STK32B: variants seen among roughly 807,000 people sequenced by gnomAD.
STK32B encodes serine/threonine-protein kinase 32B.
Under a neutral mutation model 52.6 loss-of-function variants are expected in STK32B, and 43 were observed. The ratio of observed to expected loss-of-function variants is 0.82; its 90% CI spans 0.64 to 1.05. The LOEUF is 1.05. Ranked by LOEUF, STK32B falls within the 50% of genes least tolerant of loss-of-function variation. STK32B has a pLI of 0.00. For synonymous variants in STK32B, 238 were observed against 204.3 expected (o/e 1.17, Z -1.41); for missense variants, 621 against 534.6 (o/e 1.16, Z -1.59).
At chr4:5,287,188 G>A (rs746165276) in intron 3 of STK32B, among the ~76,000 whole-genome samples, 3 of 152,254 alleles carry the variant, frequency 2.0e-5, no homozygotes, top group East Asian at 1.9e-4. Context: ...CTGCCAAGTC[G>A]TTTCCCAAAG....
In STK32B at chr4:5,054,316, C is replaced by A. The variant is rs1741913041; in HGVS notation, c.52+2401C>A. Among the ~76,000 whole-genome samples the A allele has an allele frequency of 2.0e-5, 3 of 152,228 alleles. No homozygotes were observed. The South Asian group carries it at 6.2e-4, about 32-fold the overall frequency. On this transcript the variant is annotated intron_variant, in intron 1 of 11. Transcript: ENST00000282908. ...CCCTGACGTGGGTGAGCTCAGGCGA[C>A]TGATATCCTGGAGGAGGGTCCCTAA...
chr4:5,357,577 T>A (rs909284578), intron 4 of STK32B, among the ~76,000 whole-genome samples: 2 of 151,054 alleles, frequency 1.3e-5, no homozygotes, highest in African/African-American at 4.9e-5. Flanking sequence ...AAAAAAAAAA[T>A]GTTCTCTGGG....
intron 1 of STK32B, among the ~76,000 whole-genome samples, chr4:5,131,457 C>T (rs986395023): frequency 2.0e-5 from 3 of 152,134 alleles, no homozygotes; most frequent in African/African-American, 4.8e-5. Context: ...ATTTTTCGTT[C>T]TCCTCCTCAG....
intron 6 of STK32B, among the ~76,000 whole-genome samples, chr4:5,427,891 A>G (rs1713232306): frequency 1.3e-5 from 2 of 150,898 alleles, no homozygotes; most frequent in South Asian, 4.2e-4. Context: ...TCTATTTTTT[A>G]TTTTAATTTC....
rs1736250845 is a variant in STK32B at position 5,386,253 on chromosome 4, CT to C, written c.435-11952del. ...TATGCAGTTTTATCTTTGACTGTCT[CT>C]TGTTTTCTTAGCTCCTGGGTAAGCT... On this transcript the variant is annotated intron_variant, in intron 4 of 11. Transcript: ENST00000282908. This position sits in a 1 kb window ranked among gnomAD's most constrained non-coding sequence, Gnocchi z 4.5. Among the ~76,000 whole-genome samples, 3 of 152,202 alleles carry C rather than the reference CT, an allele frequency of 2.0e-5. No individual in the cohort carries two copies. In the South Asian group the frequency reaches 6.2e-4, roughly 32 times the overall value.
chr4:5,473,241 G>A (rs901837013), intron 11 of STK32B, among the ~76,000 whole-genome samples: 1 of 152,170 alleles, frequency 6.6e-6, no homozygotes, highest in Non-Finnish European at 1.5e-5. Flanking sequence ...CAGGGATACT[G>A]CTGGGAGCAA....
chr4:5,154,211 CTTTTTT>C (rs3072774), intron 2 of STK32B, among the ~76,000 whole-genome samples: 2 of 122,608 alleles, frequency 1.6e-5, no homozygotes, highest in Non-Finnish European at 1.7e-5. Flanking sequence ...CCTTCCATGT[CTTTTTT>C]TTTTTTTTTT....
At chr4:5,232,569 T>G (rs1257063669) in intron 3 of STK32B, among the ~76,000 whole-genome samples, 1 of 152,232 alleles carries the variant, frequency 6.6e-6, no homozygotes, top group Non-Finnish European at 1.5e-5. Flanking sequence ...CTAGAATCCC[T>G]GATGGGACAT....
chr4:5,362,778 G>A (rs1328217958), intron 4 of STK32B, among the ~76,000 whole-genome samples: 1 of 152,164 alleles, frequency 6.6e-6, no homozygotes. Flanking sequence ...CCACTCTCTA[G>A]TCTTCCATCT....
intron 3 of STK32B, among the ~76,000 whole-genome samples, chr4:5,248,323 G>C (rs926504880): frequency 1.3e-5 from 2 of 152,184 alleles, no homozygotes; most frequent in African/African-American, 4.8e-5. Context: ...TTCAGCTTTA[G>C]TAATGCCCCA....
intron 3 of STK32B, among the ~76,000 whole-genome samples, chr4:5,192,140 C>G (rs187319611): frequency 6.6e-6 from 1 of 152,318 alleles, no homozygotes; most frequent in Admixed American, 6.5e-5. Context: ...GATGCCAGCA[C>G]CGAATGACAG....
At chr4:5,362,952 A>G (rs1048492363) in intron 4 of STK32B, among the ~76,000 whole-genome samples, 1 of 152,186 alleles carries the variant, frequency 6.6e-6, no homozygotes, top group African/African-American at 2.4e-5. Flanking sequence ...TGTCACTCCA[A>G]ACTCAGGCAT....
intron 4 of STK32B, among the ~76,000 whole-genome samples, chr4:5,357,054 CACAT>C (rs1204836108): frequency 2.1e-5 from 3 of 144,540 alleles, no homozygotes; most frequent in African/African-American, 8.2e-5. Context: ...TATACACACA[CACAT>C]ATATACACAC....
the STK32B span, among the ~76,000 whole-genome samples, chr4:5,025,900 C>T: frequency 1.9e-4 from 29 of 152,300 alleles, no homozygotes; most frequent in Non-Finnish European, 3.7e-4. Flanking sequence ...TGAGGTGGGG[C>T]GGAGACATTA....
chr4:5,378,819 G>A lies in STK32B; in HGVS notation c.435-19388G>A, dbSNP rs549569414. ...GGAGGGTTTCTTGGAGCCCCATCCC[G>A]AAGACTCGGGCTTCACTGCTGACTG... On this transcript the variant is annotated intron_variant, in intron 4 of 11. Coordinates refer to ENST00000282908, the MANE Select transcript of STK32B (RefSeq NM_018401.3). This position sits in a 1 kb window ranked among gnomAD's most constrained non-coding sequence, Gnocchi z 4.4. Among the ~76,000 whole-genome samples, 56 of 152,238 alleles carry A rather than the reference G, an allele frequency of 3.7e-4. No homozygotes were observed. Among genetic ancestry groups the A allele is most frequent in the South Asian group, 2.9e-3 (14 of 4,824 alleles).
intron 2 of STK32B, among the ~76,000 whole-genome samples, chr4:5,145,074 T>C (rs896848235): frequency 6.6e-6 from 1 of 152,206 alleles, no homozygotes; most frequent in Admixed American, 6.5e-5. Flanking sequence ...ATGCCCTTGC[T>C]GTCAAGGGCA....
chr4:5,278,324 G>T (rs892819149), intron 3 of STK32B, among the ~76,000 whole-genome samples: 1 of 152,230 alleles, frequency 6.6e-6, no homozygotes, highest in South Asian at 2.1e-4. Flanking sequence ...CAATGCTGCA[G>T]CTGCCCAGGG....
rs141748481 is a variant in STK32B, at chr4:5,499,029, C to G, written c.1191C>G (p.Asp397Glu). The G allele has an allele frequency of 2.4e-4, 394 of 1,613,708 alleles. No individual in the cohort carries two copies. Among genetic ancestry groups the G allele is most frequent in the Non-Finnish European group, 3.0e-4 (358 of 1,179,826 alleles). ...GGGQAQSKLQ[D>E]GCNNNLLTHT... is the part of the protein sequence containing the mutation. ...GCCAGGCCCAAAGCAAGCTCCAGGA[C>G]GGGTGCAACAACAACCTCCTCACCC... Residue 397 changes from aspartate (D) to glutamate (E), a missense_variant, in exon 12 of 12, where the codon GAC (aspartate) becomes GAG (glutamate). Coordinates refer to ENST00000282908, the MANE Select transcript of STK32B (RefSeq NM_018401.3).
chr4:5,099,457 C>CGCGTGCACGT (rs111463206), intron 1 of STK32B, among the ~76,000 whole-genome samples: 1 of 146,174 alleles, frequency 6.8e-6, no homozygotes, highest in Admixed American at 6.7e-5. Context: ...TGTGCGCGCG[C>CGCGTGCACGT]GCGTATGTGA....
Sources: allele counts gnomAD v4.1 joint callset (sites outside exome capture counted in the v4.1 genomes callset), GRCh38; gene constraint gnomAD v4.1.1; non-coding constraint Gnocchi (gnomAD v3.1); transcripts MANE v1.5; gene names NCBI Gene and HGNC (gene_info 2026-07-23, HGNC 2026-07-21).